The following KL variants were observed in gnomAD, a reference collection of about 807,000 sequenced individuals.
KL encodes the protein alpha-klotho.
A neutral mutation model predicts 84.2 loss-of-function variants in KL; 62 were observed. The ratio of observed to expected loss-of-function variants is 0.74; its 90% CI spans 0.60 to 0.91. The LOEUF (loss-of-function observed/expected upper bound fraction) is 0.91. Ranked by LOEUF, KL falls within the 40% of genes least tolerant of loss-of-function variation. The probability of loss-of-function intolerance (pLI) is 0.00; values close to 1 mark genes in which losing one functional copy is unlikely to be tolerated. For missense variants in KL, 1,261 were observed against 1,305.7 expected (o/e 0.97, Z 0.53); for synonymous variants, 528 against 528.0 (o/e 1.00, Z 0.00).
intron 3 of KL, among the ~76,000 whole-genome samples, chr13:33,058,153 A>C (rs1307508742): frequency 6.6e-6 from 1 of 152,172 alleles, no homozygotes; most frequent in Admixed American, 6.5e-5. Flanking sequence ...TGTAGTGAGG[A>C]CATAGAGCCT....
chr13:33,038,499 A>G (rs1212433020), intron 1 of KL, among the ~76,000 whole-genome samples: 1 of 152,226 alleles, frequency 6.6e-6, no homozygotes, highest in African/African-American at 2.4e-5. Flanking sequence ...TTTGGATCTT[A>G]CAGTTTTTTT....
rs1164371444 is a variant in KL at position 33,017,032 on chromosome 13, C to T, written c.592C>T (p.Gln198Ter). 6.3e-7 allele frequency: 1 copy of T among 1,599,456 alleles called. No individual in the cohort carries two copies. Among genetic ancestry groups the T allele is most frequent in the East Asian group, 2.2e-5 (1 of 44,658 alleles). Reference protein sequence around the residue: ...VVTLYHWDLPQRLQDAYGGWA... With the variant: ...VVTLYHWDLP The stretch of plus-strand genomic sequence containing the variant: ...CACCCTGTACCACTGGGACCTGCCC[C>T]AGCGCCTGCAGGACGCCTACGGCGG... Residue 198 changes from glutamine to a stop codon, truncating the protein, a stop_gained, in exon 1 of 5, where the codon CAG (glutamine) becomes TAG (stop). Transcript: ENST00000380099. LOFTEE classifies it high-confidence loss of function.
chr13:33,065,481 T>C lies in KL; in HGVS notation c.*1295T>C, dbSNP rs945549502. ...AGCTGTTTTATAGATAAGTCAATATTGTATCAGGCAAGATAAACCAATGTC... is the reference window on the plus strand; with the variant it reads ...AGCTGTTTTATAGATAAGTCAATATCGTATCAGGCAAGATAAACCAATGTC... On this transcript the variant is annotated 3_prime_UTR_variant, in exon 5 of 5. Coordinates refer to ENST00000380099, the MANE Select transcript of KL (RefSeq NM_004795.4). 5.2e-6 allele frequency: 1 copy of C among 191,542 alleles called. No homozygotes were observed. Among genetic ancestry groups the C allele is most frequent in the Non-Finnish European group, 1.1e-5 (1 of 91,286 alleles). The allele number at this position is 191,542 out of a possible 1,614,324, so 11.9% of individuals were successfully genotyped here.
chr13:33,039,428 A>G (rs892750726), intron 1 of KL, among the ~76,000 whole-genome samples: 7 of 152,172 alleles, frequency 4.6e-5, no homozygotes, highest in Non-Finnish European at 1.0e-4. Flanking sequence ...GTTTCCATTC[A>G]ACTTTATTGT....
intron 2 of KL, 123 bp downstream of exon 2, chr13:33,054,400 C>A: frequency 9.4e-7 from 1 of 1,066,212 alleles, no homozygotes; most frequent in Non-Finnish European, 1.4e-6. Flanking sequence ...TTCATTTTGG[C>A]AATAGTAGAA....
At chr13:33,050,170 A>T (rs979921056) in intron 1 of KL, among the ~76,000 whole-genome samples, 3 of 152,254 alleles carry the variant, frequency 2.0e-5, no homozygotes, top group Non-Finnish European at 4.4e-5. Context: ...GCTATTAAAA[A>T]TAGTATTTAG....
chr13:33,061,919 C>A, intron 4 of KL, 139 bp downstream of exon 4: 3 of 849,104 alleles, frequency 3.5e-6, no homozygotes, highest in South Asian at 1.4e-5. Flanking sequence ...TGAAACAGTC[C>A]AAGAGATATC....
chr13:33,061,772 C>T lies in KL; in HGVS notation c.2693C>T (p.Ala898Val). 6.2e-7 allele frequency: 1 copy of T among 1,613,408 alleles called. No individual in the cohort carries two copies. Among genetic ancestry groups the T allele is most frequent in the East Asian group, 2.2e-5 (1 of 44,866 alleles). The change falls in exon 4 of 5, where the codon GCT becomes GTT. Residue 898 changes from alanine (A) to valine (V), a missense_variant. By Grantham distance (64) the Ala-to-Val change is moderately conservative. Coordinates refer to ENST00000380099, the MANE Select transcript of KL (RefSeq NM_004795.4). Reference sequence around the variant, plus strand: ...TATATGCAGAATTACATAAACGAAGCTCTCAAAGGTAAGGAGCCCTAGCTG... The same window carrying T: ...TATATGCAGAATTACATAAACGAAGTTCTCAAAGGTAAGGAGCCCTAGCTG... Reference protein sequence around the residue: ...VYYMQNYINEALKAHILDGIN... With the variant: ...VYYMQNYINEVLKAHILDGIN...
At chr13:33,059,470 CT>C (rs1042544039) in intron 3 of KL, among the ~76,000 whole-genome samples, 1 of 151,814 alleles carries the variant, frequency 6.6e-6, no homozygotes, top group Non-Finnish European at 1.5e-5. Flanking sequence ...ACTTTCTTTT[CT>C]TTTTTTCTAT....
At chr13:33,050,095 A>G (rs1031951278) in intron 1 of KL, among the ~76,000 whole-genome samples, 11 of 152,338 alleles carry the variant, frequency 7.2e-5, no homozygotes, top group Non-Finnish European at 1.5e-4. Flanking sequence ...ACTATCATGT[A>G]TTAAAACATT....
At chr13:33,058,521 T>C (rs927590335) in intron 3 of KL, among the ~76,000 whole-genome samples, 1 of 152,086 alleles carries the variant, frequency 6.6e-6, no homozygotes, top group African/African-American at 2.4e-5. Context: ...TTTGTATTTT[T>C]AGTAGAGACC....
At chr13:33,027,946 C>A (rs764583885) in intron 1 of KL, among the ~76,000 whole-genome samples, 5 of 152,190 alleles carry the variant, frequency 3.3e-5, no homozygotes, top group Non-Finnish European at 7.4e-5. Flanking sequence ...AGGCATTGAA[C>A]CTTTGGATCA....
At chr13:33,025,953 G>T (rs1056529730) in intron 1 of KL, among the ~76,000 whole-genome samples, 1 of 152,192 alleles carries the variant, frequency 6.6e-6, no homozygotes, top group African/African-American at 2.4e-5. Flanking sequence ...GCTGATGGTG[G>T]TTTATTCTTT....
intron 1 of KL, among the ~76,000 whole-genome samples, chr13:33,034,164 A>C (rs1225420662): frequency 6.6e-6 from 1 of 152,212 alleles, no homozygotes; most frequent in Admixed American, 6.5e-5. Context: ...GATAAAATAT[A>C]ATCTTTGGAG....
intron 4 of KL, 100 bp downstream of exon 4, chr13:33,061,880 A>G (rs1593813274): frequency 2.5e-6 from 3 of 1,222,762 alleles, no homozygotes; most frequent in Non-Finnish European, 3.6e-6. Flanking sequence ...CCACCCTTGG[A>G]ATGGAGGGCT....
In KL at chr13:33,055,403, A is replaced by T. The variant is rs1427355402; in HGVS notation, c.1599+88A>T. The T allele has an allele frequency of 2.6e-6, 4 of 1,561,866 alleles. 1 individual carries two copies. In the South Asian group the frequency reaches 4.5e-5, roughly 18 times the overall value. ...TCCTTCCTAGGCTGATTGTCATGGC[A>T]CATTGTCCGTTCTTTGAGCCAAAAA... On this transcript the variant is annotated intron_variant, in intron 3 of 4. Coordinates refer to ENST00000380099, the MANE Select transcript of KL (RefSeq NM_004795.4).
intron 1 of KL, among the ~76,000 whole-genome samples, chr13:33,033,022 C>T (rs1871028726): frequency 6.6e-6 from 1 of 152,082 alleles, no homozygotes; most frequent in Admixed American, 6.6e-5. Flanking sequence ...CTATGTTTGA[C>T]CCCTCACGAT....
chr13:33,063,613 A>C (rs575121813), intron 4 of KL, among the ~76,000 whole-genome samples: 17 of 151,972 alleles, frequency 1.1e-4, no homozygotes, highest in Non-Finnish European at 2.4e-4. Flanking sequence ...TCTACTAAAA[A>C]AAAAAATACA....
Position 33,061,210 on chromosome 13 carries a change from T to C in KL, c.2131T>C (p.Trp711Arg). Residue 711 changes from tryptophan (W) to arginine (R), a missense_variant, in exon 4 of 5, where the codon TGG becomes CGG. Trp to Arg is a moderately radical substitution (Grantham distance 101). Transcript: ENST00000380099. ...CCTTCTGAAGGCCCATGCCCTGGCT[T>C]GGCATGTGTACAATGAAAAGTTTAG... ...HNLLKAHALAWHVYNEKFRHA... is the reference protein window; with the variant it reads ...HNLLKAHALARHVYNEKFRHA... The C allele has an allele frequency of 6.2e-7, 1 of 1,614,278 alleles. No individual in the cohort carries two copies. The highest frequency in any genetic ancestry group is 8.5e-7 in the Non-Finnish European group (1 of 1,180,050).
Sources: gnomAD v4.1 joint callset for allele counts (sites outside exome capture counted in the v4.1 genomes callset) on GRCh38, gnomAD v4.1.1 for gene constraint, MANE v1.5 for transcripts, NCBI Gene and HGNC (gene_info 2026-07-23, HGNC 2026-07-21) for gene names.